Variants in DLC1 observed in about 807,000 individuals in gnomAD.
DLC1 encodes DLC1 Rho GTPase activating protein.
In DLC1, 54 loss-of-function variants were observed where a neutral mutation model predicts 140.3. That is an observed-to-expected ratio of 0.38 (90% CI 0.31 to 0.48). The LOEUF (loss-of-function observed/expected upper bound fraction) is 0.48, where lower values mean the gene tolerates loss of function less well. Ranked by LOEUF, DLC1 falls within the 20% of genes least tolerant of loss-of-function variation. The pLI is 0.96. For synonymous variants in DLC1, 986 were observed against 728.1 expected, an observed-to-expected ratio of 1.35 and a Z score of -5.70; for missense variants, 2,536 against 1,907.0, an observed-to-expected ratio of 1.33 and a Z score of -6.14.
chr8:13,203,167 G>A (rs369437220), intron 5 of DLC1, among the ~76,000 whole-genome samples: 2 of 152,112 alleles, frequency 1.3e-5, no homozygotes, highest in African/African-American at 4.8e-5. Context: ...ATGGTATCTA[G>A]GTTGTGTTCA....
intron 14 of DLC1, 152 bp downstream of exon 14, chr8:13,091,166 T>C (rs1585578161): frequency 4.7e-6 from 3 of 644,170 alleles, no homozygotes; most frequent in Admixed American, 3.0e-5. Flanking sequence ...TGATACATTA[T>C]AATATATGTA....
intron 5 of DLC1, among the ~76,000 whole-genome samples, chr8:13,193,311 C>G (rs138782451): frequency 1.2e-3 from 185 of 152,176 alleles, no homozygotes; most frequent in Non-Finnish European, 2.5e-3. Flanking sequence ...ATCTTATTAT[C>G]AAATGTTAGA....
intron 5 of DLC1, among the ~76,000 whole-genome samples, chr8:13,164,370 TTG>T (rs1379937533): frequency 6.6e-6 from 1 of 152,026 alleles, no homozygotes; most frequent in East Asian, 1.9e-4. Flanking sequence ...GTCTGTCTAT[TTG>T]TGTTTCTGTC....
intron 5 of DLC1, among the ~76,000 whole-genome samples, chr8:13,253,931 G>C (rs1830109283): frequency 6.6e-6 from 1 of 152,180 alleles, no homozygotes. Flanking sequence ...CCTGACGTCA[G>C]GACGCAGCCC....
rs148980208 is a variant in DLC1, at chr8:13,572,524, A to G, written c.-126+32013T>C. Among the ~76,000 whole-genome samples, 1,021 of 152,164 alleles carry G rather than the reference A, an allele frequency of 6.7e-3. 14 individuals are homozygous for G. Among genetic ancestry groups the G allele is most frequent in the African/African-American group, 0.023 (960 of 41,514 alleles). ...TTTTCTATTTCTTCTTTTATTGCCTATGCTTTTGGTGTCATATGTAAGAAA... is the reference window on the plus strand; with the variant it reads ...TTTTCTATTTCTTCTTTTATTGCCTGTGCTTTTGGTGTCATATGTAAGAAA... On this transcript the variant is annotated intron_variant, in intron 1 of 1. Transcript: ENST00000631382.
intron 4 of DLC1, among the ~76,000 whole-genome samples, chr8:13,331,386 T>C (rs1729100): frequency 0.99 from 150,516 of 152,202 alleles, 74,446 homozygotes; most frequent in Middle Eastern, 1. Flanking sequence ...AGTTCTAAGC[T>C]GAATAGTATT....
intron 4 of DLC1, among the ~76,000 whole-genome samples, chr8:13,350,630 C>A (rs1292188962): frequency 6.6e-6 from 1 of 152,038 alleles, no homozygotes; most frequent in Non-Finnish European, 1.5e-5. Flanking sequence ...GCAGGAAAAT[C>A]GCTTGAACCA....
Position 13,150,781 on chromosome 8 carries a change from G to A in DLC1, c.1349-35124C>T, listed in dbSNP as rs530358723. Among the ~76,000 whole-genome samples, 8 of 152,250 alleles carry A rather than the reference G, an allele frequency of 5.3e-5. No individual in the cohort carries two copies. In the South Asian group the frequency reaches 1.2e-3, roughly 24 times the overall value. On this transcript the variant is annotated intron_variant, in intron 5 of 17. Coordinates refer to ENST00000276297, the MANE Select transcript of DLC1 (RefSeq NM_182643.3). The stretch of plus-strand genomic sequence containing the variant: ...CTTCAAGCATAAAATCTCACTGAGG[G>A]GTCTGATTTCTCAAGATGCTTTCTA...
chr8:13,131,882 G>A (rs1437618285), intron 5 of DLC1, among the ~76,000 whole-genome samples: 1 of 152,172 alleles, frequency 6.6e-6, no homozygotes, highest in East Asian at 1.9e-4. Context: ...CGCCCCAGGG[G>A]CTGTGCGCTG....
intron 16 of DLC1, among the ~76,000 whole-genome samples, chr8:13,087,699 C>A (rs1817682013): frequency 1.3e-5 from 2 of 152,238 alleles, no homozygotes; most frequent in South Asian, 4.1e-4. Context: ...TCTTGGAACA[C>A]AGACACCTAA....
At chr8:13,242,337 A>G (rs1047863063) in intron 5 of DLC1, among the ~76,000 whole-genome samples, 2 of 152,152 alleles carry the variant, frequency 1.3e-5, no homozygotes, top group Admixed American at 1.3e-4. Flanking sequence ...GAGATGTTTT[A>G]GAATAATGAA....
At chr8:13,498,329 C>T (rs1470924974) in intron 2 of DLC1, among the ~76,000 whole-genome samples, 2 of 152,190 alleles carry the variant, frequency 1.3e-5, no homozygotes, top group Admixed American at 6.5e-5. Flanking sequence ...CAGGTAGCAC[C>T]ATCTTAGCCC....
At chr8:13,146,203 A>C (rs1823424219) in intron 5 of DLC1, among the ~76,000 whole-genome samples, 1 of 151,258 alleles carries the variant, frequency 6.6e-6, no homozygotes, top group African/African-American at 2.4e-5. Context: ...TGAACCCGGG[A>C]GGTGGAGGCC....
chr8:13,463,603 A>G (rs1199159038), intron 2 of DLC1, among the ~76,000 whole-genome samples: 2 of 152,210 alleles, frequency 1.3e-5, no homozygotes, highest in African/African-American at 2.4e-5. Context: ...CATAAAATAG[A>G]CACAAGAATT....
At position 13,535,798 on chromosome 8, in the gene DLC1, C is replaced by A. The variant is rs528966466; in HGVS notation, c.-125-35602G>T. Among the ~76,000 whole-genome samples the A allele has an allele frequency of 1.0e-3, 151 of 151,528 alleles. 1 individual carries two copies. Among genetic ancestry groups the A allele is most frequent in the African/African-American group, 3.6e-3 (147 of 41,256 alleles). ...AAGTATATTAATATTTATAAAATGT[C>A]TATTGATATTTATAACTCTGATTAT... On this transcript the variant is annotated intron_variant, in intron 1 of 1. Transcript: ENST00000631382.
chr8:13,166,326 A>G (rs945345042), intron 5 of DLC1, among the ~76,000 whole-genome samples: 2 of 151,868 alleles, frequency 1.3e-5, no homozygotes, highest in African/African-American at 2.4e-5. Flanking sequence ...TGTTTGATTT[A>G]TTTTTCTTTC....
At chr8:13,118,004 C>CTTTTTTTTTTTTT (rs35775672) in intron 5 of DLC1, among the ~76,000 whole-genome samples, 3 of 114,978 alleles carry the variant, frequency 2.6e-5, no homozygotes, top group African/African-American at 1.0e-4. Context: ...TGTTCTCTTT[C>CTTTTTTTTTTTTT]TTTTTTTTTT....
At chr8:13,264,052 T>TTTTTTTTATTTATTTATTTA (rs1554484714) in intron 5 of DLC1, among the ~76,000 whole-genome samples, 21 of 143,034 alleles carry the variant, frequency 1.5e-4, no homozygotes, top group African/African-American at 5.2e-4. Flanking sequence ...ATAAGAAGCT[T>TTTTTTTTATTTATTTATTTA]TTTATTTATT....
intron 2 of DLC1, among the ~76,000 whole-genome samples, chr8:13,490,973 A>T (rs1023033775): frequency 5.8e-5 from 5 of 86,338 alleles, no homozygotes; most frequent in African/African-American, 1.8e-4. Flanking sequence ...TTCAGAATTT[A>T]TATAAATATA....
Sources: gnomAD v4.1 joint callset for allele counts (sites outside exome capture counted in the v4.1 genomes callset) on GRCh38, gnomAD v4.1.1 for gene constraint, MANE v1.5 for transcripts, NCBI Gene and HGNC (gene_info 2026-07-23, HGNC 2026-07-21) for gene names.